Variants in NRG3 observed in about 807,000 individuals in gnomAD.
The protein encoded by NRG3 is neuregulin 3.
In NRG3, 31 loss-of-function variants were observed where a neutral mutation model predicts 66.9. That is an observed-to-expected ratio of 0.46 (90% CI 0.35 to 0.63). The LOEUF is 0.63. Among genes scored for constraint, NRG3 ranks in the 20% least tolerant of loss-of-function variants. NRG3 has a pLI of 0.00. For missense variants in NRG3, 910 were observed against 878.9 expected (o/e 1.04, Z -0.45); for synonymous variants, 393 against 359.4 (o/e 1.09, Z -1.06).
intron 1 of NRG3, among the ~76,000 whole-genome samples, chr10:82,055,143 A>G (rs1266819827): frequency 2.0e-5 from 3 of 152,226 alleles, no homozygotes; most frequent in East Asian, 3.9e-4. Context: ...CTGACAGGTC[A>G]AATAAAATGA....
chr10:82,151,098 AG>A (rs2070712121), intron 1 of NRG3, among the ~76,000 whole-genome samples: 1 of 152,222 alleles, frequency 6.6e-6, no homozygotes, highest in African/African-American at 2.4e-5. Context: ...AAGCAAATAC[AG>A]AAACTCAGCT....
At chr10:82,445,139 GT>G (rs10708276) in intron 2 of NRG3, among the ~76,000 whole-genome samples, 51,124 of 145,510 alleles carry the variant, frequency 0.35, 11,284 homozygotes, top group African/African-American at 0.63. Context: ...CCCCATGCCA[GT>G]TTTTTTTTTT....
intron 2 of NRG3, among the ~76,000 whole-genome samples, chr10:82,359,546 AG>A (rs776378397): frequency 5.9e-5 from 9 of 152,184 alleles, no homozygotes; most frequent in Non-Finnish European, 1.3e-4. Context: ...AATAAAAACA[AG>A]GGGGGATAAA....
intron 2 of NRG3, among the ~76,000 whole-genome samples, chr10:82,657,150 C>A (rs1301973535): frequency 6.6e-6 from 1 of 152,194 alleles, no homozygotes; most frequent in East Asian, 1.9e-4. Flanking sequence ...TGCTCTTTCA[C>A]TCTCTCTGGC....
At chr10:82,306,565 G>A (rs1350066600) in intron 1 of NRG3, among the ~76,000 whole-genome samples, 2 of 151,954 alleles carry the variant, frequency 1.3e-5, no homozygotes, top group Non-Finnish European at 2.9e-5. Context: ...TTAGCCAGGC[G>A]TGGTGGTGGT....
intron 1 of NRG3, among the ~76,000 whole-genome samples, chr10:82,316,457 C>G (rs2081300656): frequency 6.6e-6 from 1 of 152,108 alleles, no homozygotes. Context: ...GAACACTGAC[C>G]TGGATTTCAA....
chr10:82,139,606 G>A (rs1365644216), intron 1 of NRG3, among the ~76,000 whole-genome samples: 1 of 151,644 alleles, frequency 6.6e-6, no homozygotes, highest in Non-Finnish European at 1.5e-5. Context: ...TCTCAATATT[G>A]TGACACTTAC....
chr10:82,633,659 G>A (rs1464816193), intron 2 of NRG3, among the ~76,000 whole-genome samples: 1 of 152,148 alleles, frequency 6.6e-6, no homozygotes, highest in Non-Finnish European at 1.5e-5. Context: ...TGTTTACAAA[G>A]GTTAGGACTT....
intron 2 of NRG3, among the ~76,000 whole-genome samples, chr10:82,450,532 T>A (rs2090970143): frequency 1.3e-5 from 2 of 152,158 alleles, no homozygotes; most frequent in Non-Finnish European, 2.9e-5. Context: ...TCTGAAGAAA[T>A]CTGCCTACAC....
chr10:82,323,291 A>C lies in NRG3; in HGVS notation c.824-35448A>C, dbSNP rs536102763. ...TTCAGGTACTGATTCTTTTTTATAC[A>C]TCAAAACTGCTTCAGATCAGCAGAA... is the stretch of plus-strand genomic sequence containing the variant. On this transcript the variant is annotated intron_variant, in intron 1 of 8. Transcript: ENST00000372141. Among the ~76,000 whole-genome samples, 10 of 152,272 alleles carry C rather than the reference A, an allele frequency of 6.6e-5. No homozygotes were observed. In the East Asian group the frequency reaches 1.9e-3, roughly 29 times the overall value.
At chr10:82,059,589 A>G (rs1457534646) in intron 1 of NRG3, among the ~76,000 whole-genome samples, 1 of 152,158 alleles carries the variant, frequency 6.6e-6, no homozygotes, top group Non-Finnish European at 1.5e-5. Context: ...ACAAAGTGAC[A>G]ATGTTCCCCA....
intron 2 of NRG3, among the ~76,000 whole-genome samples, chr10:82,478,290 G>T (rs2132120194): frequency 7.4e-5 from 1 of 13,516 alleles, no homozygotes. Context: ...ATTCTTGGGT[G>T]TTTCTCACAG....
intron 2 of NRG3, among the ~76,000 whole-genome samples, chr10:82,524,852 A>G (rs191704470): frequency 5.5e-4 from 84 of 151,956 alleles, no homozygotes; most frequent in Admixed American, 7.2e-4. Flanking sequence ...GGACCCTCCT[A>G]TGGTACTTAG....
intron 2 of NRG3, among the ~76,000 whole-genome samples, chr10:82,527,157 A>G (rs574586699): frequency 6.6e-6 from 1 of 152,226 alleles, no homozygotes; most frequent in African/African-American, 2.4e-5. Flanking sequence ...GGATAAAAAA[A>G]CTGTATTGTA....
chr10:81,907,906 G>A (rs1844746524), intron 1 of NRG3, among the ~76,000 whole-genome samples: 1 of 152,150 alleles, frequency 6.6e-6, no homozygotes, highest in African/African-American at 2.4e-5. Context: ...TGATTTGAAA[G>A]CTAGTACAAT....
chr10:82,160,503 G>T (rs930741345), intron 1 of NRG3, among the ~76,000 whole-genome samples: 357 of 150,834 alleles, frequency 2.4e-3, no homozygotes, highest in Non-Finnish European at 4.1e-3. Context: ...CTTTTTTTTT[G>T]TTTTGTTTTG....
chr10:82,789,313 A>G (rs1211370271), intron 3 of NRG3, among the ~76,000 whole-genome samples: 1 of 152,234 alleles, frequency 6.6e-6, no homozygotes, highest in Non-Finnish European at 1.5e-5. Flanking sequence ...AGCTATTCAA[A>G]TAATGTGTCC....
At chr10:82,822,226 T>C (rs757933884) in intron 3 of NRG3, among the ~76,000 whole-genome samples, 6 of 152,100 alleles carry the variant, frequency 3.9e-5, no homozygotes, top group Non-Finnish European at 4.4e-5. Context: ...AAGAATAATG[T>C]GGGACCGTGC....
intron 1 of NRG3, among the ~76,000 whole-genome samples, chr10:82,296,394 T>C (rs932447997): frequency 1.3e-5 from 2 of 152,108 alleles, no homozygotes; most frequent in Admixed American, 1.3e-4. Flanking sequence ...TGGATGCAGG[T>C]GGACAAGGCA....
Sources: gnomAD v4.1 joint callset for allele counts (sites outside exome capture counted in the v4.1 genomes callset) on GRCh38, gnomAD v4.1.1 for gene constraint, MANE v1.5 for transcripts, NCBI Gene and HGNC (gene_info 2026-07-23, HGNC 2026-07-21) for gene names.